Variants in RBFOX3 observed in about 807,000 individuals in gnomAD.
The protein encoded by RBFOX3 is RNA binding protein fox-1 homolog 3.
A neutral mutation model predicts 48.7 loss-of-function variants in RBFOX3; 17 were observed. The observed-to-expected ratio is 0.35, with a 90% CI of 0.24 to 0.52. The LOEUF (loss-of-function observed/expected upper bound fraction) is 0.52, where lower values mean the gene tolerates loss of function less well. RBFOX3 is among the 20% of genes least tolerant of loss of function. The pLI is 0.94. For missense variants in RBFOX3, 382 were observed against 497.5 expected (o/e 0.77, Z 2.21); for synonymous variants, 212 against 209.5 (o/e 1.01, Z -0.10).
the RBFOX3 span, among the ~76,000 whole-genome samples, chr17:79,635,868 C>T: frequency 5.3e-5 from 8 of 152,102 alleles, no homozygotes; most frequent in African/African-American, 1.7e-4. Context: ...TAGCAAGTTA[C>T]GATTATTAAG....
At chr17:79,093,631 C>T (rs1050525895) in intron 14 of RBFOX3, among the ~76,000 whole-genome samples, 1 of 152,140 alleles carries the variant, frequency 6.6e-6, no homozygotes, top group Non-Finnish European at 1.5e-5. Context: ...CTCCTCCCTC[C>T]TCACTCTCCC....
chr17:79,656,242 C>T, the RBFOX3 span, among the ~76,000 whole-genome samples: 1 of 152,216 alleles, frequency 6.6e-6, no homozygotes, highest in African/African-American at 2.4e-5. Context: ...TCTCCTGCAA[C>T]TCCTCCACTC....
intron 4 of RBFOX3, among the ~76,000 whole-genome samples, chr17:79,151,157 C>A (rs370636976): frequency 1.3e-5 from 2 of 151,980 alleles, no homozygotes; most frequent in East Asian, 2.0e-4. Context: ...TCCCCCTACT[C>A]GGGGCAAGCA....
chr17:79,316,077 C>A (rs2077500389), intron 2 of RBFOX3, among the ~76,000 whole-genome samples: 1 of 152,146 alleles, frequency 6.6e-6, no homozygotes, highest in Non-Finnish European at 1.5e-5. Flanking sequence ...CTCGACAGCA[C>A]CCACTGAGCA....
At chr17:79,329,186 A>C (rs920385402) in intron 2 of RBFOX3, among the ~76,000 whole-genome samples, 1 of 152,044 alleles carries the variant, frequency 6.6e-6, no homozygotes, top group African/African-American at 2.4e-5. Context: ...TGCTCCTCCC[A>C]TTTCAGACAC....
At chr17:79,451,004 C>T (rs937745364) in intron 2 of RBFOX3, among the ~76,000 whole-genome samples, 6 of 152,158 alleles carry the variant, frequency 3.9e-5, no homozygotes, top group South Asian at 2.1e-4. Flanking sequence ...CATTCTCATC[C>T]GAGAGCTCTG....
chr17:79,459,167 G>A (rs1296209058), intron 2 of RBFOX3, among the ~76,000 whole-genome samples: 1 of 152,182 alleles, frequency 6.6e-6, no homozygotes, highest in Non-Finnish European at 1.5e-5. Context: ...CTTCTGGCAT[G>A]ACTCACAGGC....
intron 3 of RBFOX3, among the ~76,000 whole-genome samples, chr17:79,280,970 G>A (rs753484350): frequency 3.3e-5 from 5 of 152,148 alleles, no homozygotes; most frequent in Non-Finnish European, 4.4e-5. Context: ...GCAGTGAAGC[G>A]AGCACGTGGG....
chr17:79,619,246 C>G, the RBFOX3 span, among the ~76,000 whole-genome samples: 5 of 152,188 alleles, frequency 3.3e-5, no homozygotes, highest in Non-Finnish European at 7.3e-5. Context: ...AGCATGGATT[C>G]AGGTCCTGGG....
chr17:79,443,103 C>T lies in RBFOX3; in HGVS notation c.-175+39351G>A, dbSNP rs147756787. Among the ~76,000 whole-genome samples, 1,044 of 152,322 alleles carry T rather than the reference C, an allele frequency of 6.9e-3. 6 individuals carry two copies. The highest frequency in any genetic ancestry group is 9.4e-3 in the Non-Finnish European group (640 of 68,030). On this transcript the variant is annotated intron_variant, in intron 2 of 14. Transcript: ENST00000693108. The surrounding 1 kb of genome is among the most constrained non-coding windows in gnomAD (Gnocchi z 4.4). ...ATGGACGAGACAGTGGTGGCCTCTG[C>T]CCCTGTGGACAAAACCGGAGCTCAG...
At chr17:79,173,223 C>A (rs922704871) in intron 4 of RBFOX3, among the ~76,000 whole-genome samples, 9 of 152,204 alleles carry the variant, frequency 5.9e-5, no homozygotes, top group Non-Finnish European at 8.8e-5. Context: ...TAAATAAATA[C>A]ATACATACAT....
chr17:79,430,387 C>T (rs145018475), intron 2 of RBFOX3, among the ~76,000 whole-genome samples: 14 of 152,218 alleles, frequency 9.2e-5, no homozygotes, highest in African/African-American at 3.1e-4. Context: ...AAATGGAAAA[C>T]CCCTGCCTAC....
At chr17:79,316,280 G>A (rs2077532008) in intron 2 of RBFOX3, among the ~76,000 whole-genome samples, 1 of 152,264 alleles carries the variant, frequency 6.6e-6, no homozygotes, top group South Asian at 2.1e-4. Context: ...CGGGAAGATC[G>A]AACGTCACCC....
intron 4 of RBFOX3, among the ~76,000 whole-genome samples, chr17:79,134,870 G>A (rs2039806799): frequency 6.6e-6 from 1 of 152,240 alleles, no homozygotes; most frequent in African/African-American, 2.4e-5. Context: ...GGGTCTGGAG[G>A]AAGAGCACGG....
At chr17:79,591,798 ATGGAGGGTGTGAGGAGGGGTGTGCACGTG>A (rs2145107751) in intron 1 of RBFOX3, among the ~76,000 whole-genome samples, 1 of 151,370 alleles carries the variant, frequency 6.6e-6, no homozygotes, top group Non-Finnish European at 1.5e-5. Flanking sequence ...GTGTGCACGT[ATGGAGGGTGTGAGGAGGGGTGTGCACGTG>A]TGGAGGGTGT....
At chr17:79,661,533 G>A in the RBFOX3 span, among the ~76,000 whole-genome samples, 4 of 152,236 alleles carry the variant, frequency 2.6e-5, no homozygotes, top group African/African-American at 7.2e-5. Context: ...CAAGCTTGAA[G>A]TTGTGAAAAA....
chr17:79,463,784 TCCA>T (rs1409297904), intron 2 of RBFOX3, among the ~76,000 whole-genome samples: 3 of 120,276 alleles, frequency 2.5e-5, no homozygotes, highest in African/African-American at 6.7e-5. Context: ...CACTGCCACC[TCCA>T]CCACCATCTC....
intron 3 of RBFOX3, among the ~76,000 whole-genome samples, chr17:79,279,489 G>A (rs1295682825): frequency 2.0e-5 from 3 of 152,148 alleles, no homozygotes; most frequent in Non-Finnish European, 4.4e-5. Flanking sequence ...GGCACGGTAC[G>A]GCACTGTCAC....
intron 4 of RBFOX3, among the ~76,000 whole-genome samples, chr17:79,132,060 C>T (rs138796082): frequency 1.5e-4 from 23 of 152,284 alleles, no homozygotes; most frequent in Non-Finnish European, 2.5e-4. Context: ...CAGCAAGGAG[C>T]CAGGTGTCTG....
Sources: allele counts gnomAD v4.1 joint callset (sites outside exome capture counted in the v4.1 genomes callset), GRCh38; gene constraint gnomAD v4.1.1; non-coding constraint Gnocchi (gnomAD v3.1); transcripts MANE v1.5; gene names NCBI Gene and HGNC (gene_info 2026-07-23, HGNC 2026-07-21).